The following NTAN1 variants were observed in gnomAD, a reference collection of about 807,000 sequenced individuals.
The protein encoded by NTAN1 is N-terminal asparagine amidase.
NTAN1 carries 32 observed loss-of-function variants against 41.9 expected under a neutral mutation model. The ratio of observed to expected loss-of-function variants is 0.76; its 90% CI spans 0.58 to 1.03. The LOEUF (loss-of-function observed/expected upper bound fraction) is 1.03, where lower values mean the gene tolerates loss of function less well. Ranked by LOEUF, NTAN1 falls within the 50% of genes least tolerant of loss-of-function variation. The pLI is 0.00. For synonymous variants in NTAN1, 140 were observed against 139.5 expected (o/e 1.00, Z -0.03); for missense variants, 377 against 377.5 (o/e 1.00, Z 0.01).
At chr16:15,041,737 G>T in intron 5 of NTAN1, 61 bp from the exon 6 acceptor site, 1 of 1,234,278 alleles carries the variant, frequency 8.1e-7, no homozygotes, top group Non-Finnish European at 1.2e-6. Context: ...AGAACAAACT[G>T]CTGAGCAAGC....
intron 1 of NTAN1, among the ~76,000 whole-genome samples, chr16:15,054,108 C>T (rs975630499): frequency 5.3e-5 from 8 of 152,370 alleles, no homozygotes; most frequent in African/African-American, 1.9e-4. Context: ...CACCCACCCA[C>T]TGGGCCCTTC....
chr16:15,047,416 A>T (rs771803802), intron 4 of NTAN1, 26 bp downstream of exon 4: 1 of 1,405,426 alleles, frequency 7.1e-7, no homozygotes, highest in Admixed American at 1.7e-5. Flanking sequence ...ATCTCAATTC[A>T]CCTATGAGAG....
chr16:15,038,569 C>G lies in NTAN1; in HGVS notation c.753+5G>C, dbSNP rs373369955. 9.5e-5 allele frequency: 142 copies of G among 1,488,076 alleles called. No individual in the cohort carries two copies. Among genetic ancestry groups the G allele is most frequent in the Non-Finnish European group, 1.1e-4 (119 of 1,067,814 alleles). The allele number at this position is 1,488,076 out of a possible 1,614,324, so 92.2% of individuals were successfully genotyped here. A position where few individuals can be genotyped will look rare whatever the true frequency, so the allele number is the denominator to read the frequency against. ...TTAAGACTTACCCAGCCTGTAAACT[C>G]TCACCTCTAGTATTTGCTTGTCATC... On this transcript the variant is annotated splice_donor_5th_base_variant and intron_variant, in intron 9 of 9. Coordinates refer to ENST00000287706, the MANE Select transcript of NTAN1 (RefSeq NM_173474.4).
Position 15,041,125 on chromosome 16 carries a change from C to T in NTAN1, c.488-4G>A, listed in dbSNP as rs377662277. On this transcript the variant is annotated splice_polypyrimidine_tract_variant and splice_region_variant and intron_variant, in intron 6 of 9. Coordinates refer to ENST00000287706, the MANE Select transcript of NTAN1 (RefSeq NM_173474.4). ...TTTTCTTCCCGGTCATTTAATTCTA[C>T]AAAATAAGAATGTTTAAGATACACT... 2.3e-5 allele frequency: 35 copies of T among 1,522,106 alleles called. No homozygotes were observed. The African/African-American group carries it at 4.5e-4, about 20-fold the overall frequency. The allele number at this position is 1,522,106 out of a possible 1,614,324, so 94.3% of individuals were successfully genotyped here. A position where few individuals can be genotyped will look rare whatever the true frequency, so the allele number is the denominator to read the frequency against.
chr16:15,038,255 T>A, intron 9 of NTAN1, 45 bp from the exon 10 acceptor site: 1 of 1,339,146 alleles, frequency 7.5e-7, no homozygotes, highest in Non-Finnish European at 1.1e-6. Context: ...AACCTTACTG[T>A]CCCCTGCTGT....
intron 5 of NTAN1, among the ~76,000 whole-genome samples, chr16:15,043,627 A>G (rs2043922811): frequency 2.6e-5 from 2 of 77,504 alleles, no homozygotes; most frequent in African/African-American, 7.3e-5. Context: ...ACACACGACA[A>G]TGTTTTCTTT....
At chr16:15,044,238 T>C in intron 5 of NTAN1, 96 bp downstream of exon 5, 1 of 796,356 alleles carries the variant, frequency 1.3e-6, no homozygotes, top group African/African-American at 1.7e-5. Flanking sequence ...GGGTGTGCCC[T>C]TCTTGGGTTT....
Position 15,051,325 on chromosome 16 carries a change from A to C in NTAN1, c.82-3226T>G, listed in dbSNP as rs191007689. ...AAATTATCAGAAGAGAGAATGCCAG[A>C]AAACTAAAACAGTAGACTGCTTTGC... On this transcript the variant is annotated intron_variant, in intron 1 of 9. Coordinates refer to ENST00000287706, the MANE Select transcript of NTAN1 (RefSeq NM_173474.4). 7.9e-5 allele frequency among the ~76,000 whole-genome samples: 12 copies of C among 152,366 alleles called. No homozygotes were observed. In the South Asian group the frequency reaches 2.3e-3, roughly 29 times the overall value.
intron 3 of NTAN1, 32 bp downstream of exon 3, chr16:15,047,823 A>G (rs2044136892): frequency 6.4e-7 from 1 of 1,561,924 alleles, no homozygotes; most frequent in Non-Finnish European, 8.8e-7. Flanking sequence ...GGTCAGTTTA[A>G]GTAATGGTTT....
intron 7 of NTAN1, 193 bp from the exon 8 acceptor site, chr16:15,040,259 T>C (rs984816477): frequency 6.8e-6 from 3 of 438,454 alleles, no homozygotes; most frequent in Non-Finnish European, 8.1e-6. Flanking sequence ...TGAAAATCGC[T>C]GAGGCTCGAG....
chr16:15,041,070 A>G lies in NTAN1; in HGVS notation c.539T>C (p.Ile180Thr), dbSNP rs1954272073. 1 of 1,596,554 alleles carries G rather than the reference A, an allele frequency of 6.3e-7. No homozygotes were observed. The highest frequency in any genetic ancestry group is 8.6e-7 in the Non-Finnish European group (1 of 1,163,914). Residue 180 changes from isoleucine to threonine, a missense_variant and splice_region_variant, in exon 7 of 10, where the codon ATT (isoleucine) becomes ACT (threonine). By Grantham distance (89) the Ile-to-Thr change is moderately conservative (BLOSUM62 -1). Transcript: ENST00000287706. ...CACAAAAGATGCACACTACTTACCA[A>G]TGCCATATATTACTGGAAAGTGGTT... Reference protein sequence around the residue: ...NENHFPVIYGIAVNIKTAEIY... With the variant: ...NENHFPVIYGTAVNIKTAEIY...
At chr16:15,039,550 G>T (rs376499292) in intron 8 of NTAN1, among the ~76,000 whole-genome samples, 1 of 152,102 alleles carries the variant, frequency 6.6e-6, no homozygotes, top group Admixed American at 6.6e-5. Flanking sequence ...ATTATTTTGG[G>T]TTAATTAAAT....
intron 4 of NTAN1, 82 bp downstream of exon 4, chr16:15,047,360 C>T: frequency 1.1e-6 from 1 of 905,424 alleles, no homozygotes; most frequent in Non-Finnish European, 1.8e-6. Context: ...ATCCTGTGTT[C>T]CCCTAACAGC....
At chr16:15,045,929 C>T (rs2044041285) in intron 4 of NTAN1, 1 of 152,224 alleles carries the variant, frequency 6.6e-6, no homozygotes, top group African/African-American at 2.4e-5. Flanking sequence ...ATAATAAACT[C>T]CAAGTAGTAG....
intron 3 of NTAN1, 135 bp from the exon 4 acceptor site, chr16:15,047,685 C>T (rs2044131107): frequency 2.2e-6 from 2 of 898,872 alleles, no homozygotes; most frequent in East Asian, 2.4e-5. Context: ...GTCTGTGCTC[C>T]CCAGCCAACC....
At position 15,047,872 on chromosome 16, in the gene NTAN1, A is replaced by G. The variant is rs752821649; in HGVS notation, c.233T>C (p.Val78Ala). ...GSDDATTCHIVVLRHTGNGAT... is the reference protein window; with the variant it reads ...GSDDATTCHIAVLRHTGNGAT... Reference sequence around the variant, plus strand: ...CATCATACCTGTGTGCCTCAGGACCACAATGTGACAAGTAGTGGCATCATC... The same window carrying G: ...CATCATACCTGTGTGCCTCAGGACCGCAATGTGACAAGTAGTGGCATCATC... Residue 78 changes from valine (V) to alanine (A), a missense_variant, in exon 3 of 10, where the codon GTG becomes GCG. Val to Ala is a moderately conservative substitution (Grantham distance 64). Coordinates refer to ENST00000287706, the MANE Select transcript of NTAN1 (RefSeq NM_173474.4). 2 of 1,613,550 alleles carry G rather than the reference A, an allele frequency of 1.2e-6. No homozygotes were observed. The highest frequency in any genetic ancestry group is 1.7e-6 in the Non-Finnish European group (2 of 1,179,428).
intron 8 of NTAN1, among the ~76,000 whole-genome samples, chr16:15,039,079 T>C (rs2043686137): frequency 6.6e-6 from 1 of 152,218 alleles, no homozygotes; most frequent in South Asian, 2.1e-4. Flanking sequence ...CCCAAACAAC[T>C]GATCACCTTG....
In NTAN1 at chr16:15,043,059, CCTGG is replaced by C. The variant is rs766703782; in HGVS notation, c.433+1271_433+1274del. Among the ~76,000 whole-genome samples, 19 of 152,300 alleles carry C rather than the reference CCTGG, an allele frequency of 1.2e-4. No individual in the cohort carries two copies. In the East Asian group the frequency reaches 1.7e-3, roughly 14 times the overall value. On this transcript the variant is annotated intron_variant, in intron 5 of 9. Transcript: ENST00000287706. ...GGGATTACAGGCATGCACCACCATGCCTGGCTAATTTTGTATTTTTAGTAGAGAC... is the reference window on the plus strand; with the variant it reads ...GGGATTACAGGCATGCACCACCATGCCTAATTTTGTATTTTTAGTAGAGAC...
At position 15,048,109 on chromosome 16, in the gene NTAN1, TAA is replaced by T; in HGVS notation, c.82-12_82-11del. ...GAAGTCTGGCTCTTTCCTGTTTAAT[TAA>T]AAAAAAAATAAAATAGTGATGTAAA... On this transcript the variant is annotated splice_polypyrimidine_tract_variant and intron_variant, in intron 1 of 9. Coordinates refer to ENST00000287706, the MANE Select transcript of NTAN1 (RefSeq NM_173474.4). 9.8e-6 allele frequency: 14 copies of T among 1,432,714 alleles called. No individual in the cohort carries two copies. Among genetic ancestry groups the T allele is most frequent in the African/African-American group, 1.5e-5 (1 of 68,724 alleles). The allele number at this position is 1,432,714 out of a possible 1,614,324, so 88.8% of individuals were successfully genotyped here. A position where few individuals can be genotyped will look rare whatever the true frequency, so the allele number is the denominator to read the frequency against.
Sources: gnomAD v4.1 joint callset for allele counts (sites outside exome capture counted in the v4.1 genomes callset) on GRCh38, gnomAD v4.1.1 for gene constraint, MANE v1.5 for transcripts, NCBI Gene and HGNC (gene_info 2026-07-23, HGNC 2026-07-21) for gene names.